CCAR1: variants seen among roughly 807,000 people sequenced by gnomAD.
The protein encoded by CCAR1 is cell division cycle and apoptosis regulator 1.
Under a neutral mutation model 163.8 loss-of-function variants are expected in CCAR1, and 78 were observed. That is an observed-to-expected ratio of 0.48 (90% confidence interval 0.40 to 0.57). The LOEUF (loss-of-function observed/expected upper bound fraction) is 0.57. Ranked by LOEUF, CCAR1 falls within the 20% of genes least tolerant of loss-of-function variation. The pLI, the probability that CCAR1 is intolerant of heterozygous loss-of-function variation, is 0.00. For synonymous variants in CCAR1, 443 were observed against 460.7 expected (o/e 0.96, Z 0.49); for missense variants, 1,019 against 1,365.2 (o/e 0.75, Z 4.00).
chr10:68,749,649 G>C lies in CCAR1; in HGVS notation c.1082G>C (p.Arg361Pro). The change falls in exon 10 of 25, where the codon CGT (arginine) becomes CCT (proline). Residue 361 changes from arginine (R) to proline (P), a missense_variant. By Grantham distance (103) the Arg-to-Pro change is moderately radical. This residue lies in a region of CCAR1 where 644 missense variants were observed against 904.4 expected (regional missense o/e 0.71). Transcript: ENST00000265872. ...SPRRVRRVVP[R>P]YTVQFSKFSL... The stretch of plus-strand genomic sequence containing the variant: ...CGGAGAGTTCGACGTGTTGTTCCAC[G>C]TTACACAGTTCAGTTTTCAAAGTTT... 1 of 1,613,226 alleles carries C rather than the reference G, an allele frequency of 6.2e-7. No individual in the cohort carries two copies. The highest frequency in any genetic ancestry group is 8.5e-7 in the Non-Finnish European group (1 of 1,179,380).
intron 10 of CCAR1, among the ~76,000 whole-genome samples, chr10:68,752,354 T>C (rs1368355082): frequency 6.6e-6 from 1 of 152,250 alleles, no homozygotes; most frequent in Non-Finnish European, 1.5e-5. Context: ...CTAATATGAT[T>C]ATAAGAAACT....
intron 1 of CCAR1, among the ~76,000 whole-genome samples, chr10:68,722,031 C>G (rs928084255): frequency 2.0e-5 from 3 of 152,124 alleles, no homozygotes; most frequent in Non-Finnish European, 2.9e-5. Flanking sequence ...GGGGTCTTGT[C>G]CCAGTATCCG....
chr10:68,772,180 AATT>A (rs964856651), intron 18 of CCAR1, among the ~76,000 whole-genome samples: 2 of 152,036 alleles, frequency 1.3e-5, no homozygotes, highest in African/African-American at 4.8e-5. Context: ...CACCCAGCCT[AATT>A]ATTATTATAC....
In CCAR1 at chr10:68,753,834, C is replaced by G; in HGVS notation, c.1119-18C>G. On this transcript the variant is annotated intron_variant, in intron 10 of 24. Coordinates refer to ENST00000265872, the MANE Select transcript of CCAR1 (RefSeq NM_018237.4). ...TTTTATTAAGGCTATTTATTCACTA[C>G]TTATGTCTGTTTTTCAGTCCCAGTT... The G allele has an allele frequency of 6.5e-7, 1 of 1,550,058 alleles. No homozygotes were observed. The highest frequency in any genetic ancestry group is 8.9e-7 in the Non-Finnish European group (1 of 1,122,440).
chr10:68,745,551 C>T (rs2056242006), intron 6 of CCAR1, among the ~76,000 whole-genome samples: 1 of 151,536 alleles, frequency 6.6e-6, no homozygotes, highest in African/African-American at 2.4e-5. Flanking sequence ...GCAGCCTCTG[C>T]CTCCCGGGTT....
intron 6 of CCAR1, among the ~76,000 whole-genome samples, chr10:68,746,925 G>C (rs2056264132): frequency 6.6e-6 from 1 of 151,790 alleles, no homozygotes; most frequent in Non-Finnish European, 1.5e-5. Context: ...AAGTTTTAGG[G>C]TACATGTGCA....
chr10:68,759,452 G>C (rs1400139550), intron 15 of CCAR1: 1 of 153,806 alleles, frequency 6.5e-6, no homozygotes, highest in Non-Finnish European at 1.5e-5. Flanking sequence ...TTGCAGCTGG[G>C]CACAATGCTT....
intron 2 of CCAR1, among the ~76,000 whole-genome samples, chr10:68,723,420 C>A (rs1219779043): frequency 6.6e-6 from 1 of 151,862 alleles, no homozygotes; most frequent in Non-Finnish European, 1.5e-5. Flanking sequence ...TAAGCCACCG[C>A]ACCCGGCAGT....
chr10:68,787,969 T>C lies in CCAR1; in HGVS notation c.2923T>C (p.Phe975Leu), dbSNP rs978201811. ...TAAAGTAGTGCTCCGTGAATCTTGCTTTTACCGGAAATTAACAGACACCTC... is the reference window on the plus strand; with the variant it reads ...TAAAGTAGTGCTCCGTGAATCTTGCCTTTACCGGAAATTAACAGACACCTC... Reference protein sequence around the residue: ...LNKVVLRESCFYRKLTDTSKD... With the variant: ...LNKVVLRESCLYRKLTDTSKD... The change falls in exon 22 of 25, where the codon TTT becomes CTT. Residue 975 changes from phenylalanine (F) to leucine (L), a missense_variant. Phe to Leu is a conservative substitution (Grantham distance 22). This residue lies in a region of CCAR1 where 358 missense variants were observed against 406.4 expected (regional missense o/e 0.88). Coordinates refer to ENST00000265872, the MANE Select transcript of CCAR1 (RefSeq NM_018237.4). 1 of 1,613,016 alleles carries C rather than the reference T, an allele frequency of 6.2e-7. No homozygotes were observed. The highest frequency in any genetic ancestry group is 1.1e-5 in the South Asian group (1 of 90,846).
At chr10:68,729,688 G>C (rs1326969482) in intron 2 of CCAR1, among the ~76,000 whole-genome samples, 1 of 136,392 alleles carries the variant, frequency 7.3e-6, no homozygotes, top group African/African-American at 2.7e-5. Flanking sequence ...GGAGGATTGA[G>C]CAAAACTCCG....
At chr10:68,751,614 G>C (rs780732099) in intron 10 of CCAR1, among the ~76,000 whole-genome samples, 164 of 151,054 alleles carry the variant, frequency 1.1e-3, no homozygotes, top group Middle Eastern at 3.4e-3. Context: ...TGTAATCCCA[G>C]CACTTCAGGA....
chr10:68,773,452 A>G (rs1694488), intron 19 of CCAR1, among the ~76,000 whole-genome samples: 100,024 of 151,944 alleles, frequency 0.66, 33,722 homozygotes, highest in Non-Finnish European at 0.73. Flanking sequence ...ATTTGAGGTC[A>G]AGAGTTCCAA....
intron 10 of CCAR1, among the ~76,000 whole-genome samples, chr10:68,752,905 TAGA>T (rs2056351167): frequency 2.0e-5 from 3 of 151,444 alleles, no homozygotes; most frequent in African/African-American, 7.3e-5. Flanking sequence ...GATAGATAGA[TAGA>T]TAGATAGATA....
intron 5 of CCAR1, among the ~76,000 whole-genome samples, chr10:68,742,150 C>T (rs1430424791): frequency 1.3e-5 from 2 of 152,048 alleles, no homozygotes; most frequent in African/African-American, 4.8e-5. Context: ...CTTTATTATG[C>T]CAGTATGGAT....
chr10:68,747,299 A>G (rs958583895), intron 7 of CCAR1, 24 bp downstream of exon 7: 1 of 1,580,794 alleles, frequency 6.3e-7, no homozygotes, highest in Non-Finnish European at 8.7e-7. Flanking sequence ...TGAGTTAGGT[A>G]TTATAGAAGC....
At chr10:68,751,920 G>GTTTTTTT (rs1161207615) in intron 10 of CCAR1, among the ~76,000 whole-genome samples, 1 of 128,952 alleles carries the variant, frequency 7.8e-6, no homozygotes, top group African/African-American at 2.9e-5. Context: ...TTTTGTTTTT[G>GTTTTTTT]TTTTTTTTTT....
At chr10:68,764,405 A>G (rs945566498) in intron 16 of CCAR1, among the ~76,000 whole-genome samples, 1 of 151,850 alleles carries the variant, frequency 6.6e-6, no homozygotes, top group East Asian at 1.9e-4. Flanking sequence ...AATTTAGCCG[A>G]GCATGGTCAC....
At chr10:68,723,842 C>T (rs2055898280) in intron 2 of CCAR1, among the ~76,000 whole-genome samples, 1 of 116,046 alleles carries the variant, frequency 8.6e-6, no homozygotes, top group African/African-American at 3.3e-5. Flanking sequence ...AGCAGGACTC[C>T]ATCTCAAAAA....
At chr10:68,757,437 T>C (rs905109402) in intron 15 of CCAR1, 60 bp downstream of exon 15, 7 of 933,528 alleles carry the variant, frequency 7.5e-6, no homozygotes, top group Admixed American at 1.8e-5. Flanking sequence ...CTTTCTGAGA[T>C]GGAGTCTCGC....
Sources: allele counts gnomAD v4.1 joint callset (sites outside exome capture counted in the v4.1 genomes callset), GRCh38; gene constraint gnomAD v4.1.1; regional missense constraint gnomAD v4.1.1; transcripts MANE v1.5; gene names NCBI Gene and HGNC (gene_info 2026-07-23, HGNC 2026-07-21).